Variants in RAD51B observed in about 807,000 individuals in gnomAD.
RAD51B encodes the protein RAD51 paralog B, also known as DNA repair protein RAD51 homolog 2.
In RAD51B, 38 loss-of-function variants were observed where a neutral mutation model predicts 42.2. The observed-to-expected ratio is 0.90, with a 90% CI of 0.70 to 1.18. The LOEUF (loss-of-function observed/expected upper bound fraction) is 1.18, where lower values mean the gene tolerates loss of function less well. RAD51B is among the 50% of genes most tolerant of loss of function. The pLI is 0.00. For missense variants in RAD51B, 373 were observed against 400.7 expected (o/e 0.93, Z 0.59); for synonymous variants, 154 against 145.2 (o/e 1.06, Z -0.43).
intron 7 of RAD51B, among the ~76,000 whole-genome samples, chr14:68,206,872 C>T (rs548491024): frequency 3.3e-5 from 5 of 151,340 alleles, no homozygotes; most frequent in Non-Finnish European, 7.4e-5. Flanking sequence ...TCACTGCAAG[C>T]CCCGCCTCCC....
downstream of RAD51B, among the ~76,000 whole-genome samples, chr14:68,481,243 A>T (rs934718098): frequency 1.6e-4 from 24 of 151,776 alleles, no homozygotes; most frequent in African/African-American, 5.8e-4. Context: ...GTTCTCTGCA[A>T]CTCCTAATTG....
intron 1 of RAD51B, among the ~76,000 whole-genome samples, chr14:67,821,783 T>C (rs1255218138): frequency 3.3e-5 from 5 of 151,976 alleles, no homozygotes; most frequent in African/African-American, 1.2e-4. Context: ...TCTTTCTCCT[T>C]CTTTTTTTTT....
At chr14:67,881,003 T>C (rs909838052) in intron 5 of RAD51B, among the ~76,000 whole-genome samples, 1 of 152,252 alleles carries the variant, frequency 6.6e-6, no homozygotes, top group Non-Finnish European at 1.5e-5. Flanking sequence ...CTAGATGGTA[T>C]AGCCTACTGC....
intron 8 of RAD51B, among the ~76,000 whole-genome samples, chr14:68,302,006 T>C (rs531601039): frequency 3.0e-4 from 45 of 152,264 alleles, no homozygotes; most frequent in South Asian, 2.7e-3. Context: ...TTGATGTTAA[T>C]AAATACTGTA....
intron 7 of RAD51B, among the ~76,000 whole-genome samples, chr14:67,903,093 A>G (rs1417762070): frequency 1.3e-5 from 2 of 152,022 alleles, no homozygotes; most frequent in Non-Finnish European, 2.9e-5. Flanking sequence ...CCTGACCTCA[A>G]ATGATCTGCC....
At chr14:68,473,155 A>T (rs1218338460) in intron 10 of RAD51B, among the ~76,000 whole-genome samples, 5 of 152,236 alleles carry the variant, frequency 3.3e-5, no homozygotes, top group African/African-American at 1.2e-4. Context: ...ATTTATTTCC[A>T]TCCAGGTACA....
At chr14:68,277,945 G>A (rs1453249988) in intron 7 of RAD51B, among the ~76,000 whole-genome samples, 2 of 152,196 alleles carry the variant, frequency 1.3e-5, no homozygotes, top group African/African-American at 4.8e-5. Flanking sequence ...GTTTTGCCAT[G>A]TTGGCCAGGC....
chr14:68,185,167 T>C (rs1377353075), intron 7 of RAD51B, among the ~76,000 whole-genome samples: 9 of 152,100 alleles, frequency 5.9e-5, no homozygotes, highest in Admixed American at 5.9e-4. Flanking sequence ...AATAAAAGGA[T>C]AGGGATGATT....
At chr14:68,586,963 C>G (rs1291718206) in intron 10 of RAD51B, among the ~76,000 whole-genome samples, 1 of 151,878 alleles carries the variant, frequency 6.6e-6, no homozygotes, top group East Asian at 1.9e-4. Flanking sequence ...CGAGATCACG[C>G]CATTGCAGTG....
chr14:68,176,788 C>T (rs1015957758), intron 7 of RAD51B, among the ~76,000 whole-genome samples: 2 of 152,122 alleles, frequency 1.3e-5, no homozygotes, highest in African/African-American at 4.8e-5. Context: ...ATAGTTATAG[C>T]AGTGCCAAAA....
intron 7 of RAD51B, among the ~76,000 whole-genome samples, chr14:68,033,916 A>G (rs1012058043): frequency 7.2e-5 from 11 of 152,148 alleles, no homozygotes; most frequent in African/African-American, 1.9e-4. Context: ...AAGGTAGTTG[A>G]TATTGACTGA....
intron 7 of RAD51B, among the ~76,000 whole-genome samples, chr14:68,251,394 A>G (rs186539427): frequency 3.3e-5 from 5 of 152,176 alleles, no homozygotes; most frequent in Admixed American, 3.3e-4. Flanking sequence ...TTTTTAGAGG[A>G]GAGTGTAGCT....
chr14:68,287,548 T>C (rs2081436188), intron 7 of RAD51B, among the ~76,000 whole-genome samples: 1 of 152,204 alleles, frequency 6.6e-6, no homozygotes, highest in African/African-American at 2.4e-5. Context: ...TTTTCCTTTG[T>C]CCAAGAATCC....
At chr14:68,433,156 C>T (rs2085056199) in intron 9 of RAD51B, among the ~76,000 whole-genome samples, 3 of 152,182 alleles carry the variant, frequency 2.0e-5, no homozygotes. Flanking sequence ...GGTAACCTGA[C>T]CTTTCTCTCT....
chr14:68,442,919 TGAA>T (rs2085336269), intron 9 of RAD51B, among the ~76,000 whole-genome samples: 3 of 152,182 alleles, frequency 2.0e-5, no homozygotes, highest in African/African-American at 7.2e-5. Flanking sequence ...ACTGGGGCTG[TGAA>T]CACCTAAAGA....
intron 10 of RAD51B, among the ~76,000 whole-genome samples, chr14:68,501,989 T>C (rs918342897): frequency 6.6e-6 from 1 of 152,206 alleles, no homozygotes; most frequent in Non-Finnish European, 1.5e-5. Context: ...AATGCCCAGA[T>C]GCTGATTCGC....
chr14:67,987,989 C>G (rs930633361), intron 7 of RAD51B, among the ~76,000 whole-genome samples: 2 of 151,990 alleles, frequency 1.3e-5, no homozygotes, highest in South Asian at 4.1e-4. Flanking sequence ...TAGTGTTTGC[C>G]GTGGTAGGTA....
At chr14:68,155,382 C>T (rs978474197) in intron 7 of RAD51B, among the ~76,000 whole-genome samples, 5 of 151,794 alleles carry the variant, frequency 3.3e-5, no homozygotes, top group African/African-American at 4.8e-5. Context: ...TTAGTAGAGA[C>T]GGGGTTTCAC....
chr14:68,395,207 T>C (rs2083880469), intron 8 of RAD51B, among the ~76,000 whole-genome samples: 1 of 152,130 alleles, frequency 6.6e-6, no homozygotes, highest in South Asian at 2.1e-4. Flanking sequence ...CCTTTCTACC[T>C]CTCCTCTCTT....
Sources: allele counts gnomAD v4.1 joint callset (sites outside exome capture counted in the v4.1 genomes callset), GRCh38; gene constraint gnomAD v4.1.1; transcripts MANE v1.5; gene names NCBI Gene and HGNC (gene_info 2026-07-23, HGNC 2026-07-21).